The following HAUS6 variants were observed in gnomAD, a reference collection of about 807,000 sequenced individuals.
The protein encoded by HAUS6 is HAUS augmin like complex subunit 6.
In HAUS6, 80 loss-of-function variants were observed where a neutral mutation model predicts 106.8. The ratio of observed to expected loss-of-function variants is 0.75; its 90% CI spans 0.63 to 0.90. The LOEUF is 0.90. Among genes scored for constraint, HAUS6 ranks in the 40% least tolerant of loss-of-function variants. The pLI is 0.00. For synonymous variants in HAUS6, 356 were observed against 379.1 expected, an observed-to-expected ratio of 0.94 and a Z score of 0.71; for missense variants, 1,155 against 1,118.1, an observed-to-expected ratio of 1.03 and a Z score of -0.47.
chr9:19,068,908 A>G (rs1415588646), intron 12 of HAUS6, among the ~76,000 whole-genome samples: 2 of 152,212 alleles, frequency 1.3e-5, no homozygotes, highest in African/African-American at 2.4e-5. Context: ...AAATAGGAAT[A>G]TTACTGGAGG....
At position 19,080,594 on chromosome 9, in the gene HAUS6, C is replaced by T; in HGVS notation, c.949G>A (p.Val317Met). Residue 317 changes from valine to methionine, a missense_variant, in exon 9 of 17, where the codon GTG becomes ATG. Transcript: ENST00000380502. ...VIQLLNEVLK[V>M]MKYERCQADQ... ...GCCTGACAACGTTCATATTTCATCA[C>T]CTTCAAGACTTCATTTAATAACTGA... 6.3e-7 allele frequency: 1 copy of T among 1,594,606 alleles called. No homozygotes were observed. Among genetic ancestry groups the T allele is most frequent in the Non-Finnish European group, 8.6e-7 (1 of 1,162,822 alleles).
intron 1 of HAUS6, among the ~76,000 whole-genome samples, chr9:19,101,458 T>C (rs1390153958): frequency 6.6e-6 from 1 of 151,900 alleles, no homozygotes; most frequent in Non-Finnish European, 1.5e-5. Context: ...ACAACTGCAC[T>C]CCAGACTGGG....
At chr9:19,070,974 G>C (rs1836871310) in intron 11 of HAUS6, among the ~76,000 whole-genome samples, 1 of 152,214 alleles carries the variant, frequency 6.6e-6, no homozygotes, top group South Asian at 2.1e-4. Flanking sequence ...TCCAGTGGAA[G>C]CATGGTGGGA....
chr9:19,071,984 A>G (rs1836890158), intron 11 of HAUS6, among the ~76,000 whole-genome samples: 1 of 152,050 alleles, frequency 6.6e-6, no homozygotes, highest in Non-Finnish European at 1.5e-5. Context: ...TGGGCGGATC[A>G]CCTAAGGTCA....
rs185141484 is a variant in HAUS6, at chr9:19,089,635, G to T, written c.437-76C>A. ...TGGGTTATCAGAAATGAACATTAGT[G>T]TCACTAACGTTGGTGGTATACAATC... On this transcript the variant is annotated intron_variant, in intron 4 of 16. Coordinates refer to ENST00000380502, the MANE Select transcript of HAUS6 (RefSeq NM_017645.5). 4.7e-5 allele frequency: 50 copies of T among 1,065,774 alleles called. No homozygotes were observed. In the East Asian group the frequency reaches 1.2e-3, roughly 26 times the overall value. The allele number at this position is 1,065,774 out of a possible 1,614,324, so 66.0% of individuals were successfully genotyped here.
At chr9:19,090,457 A>C (rs202063338) in intron 4 of HAUS6, among the ~76,000 whole-genome samples, 2 of 151,926 alleles carry the variant, frequency 1.3e-5, no homozygotes, top group East Asian at 1.9e-4. Context: ...CTCCGCCTCC[A>C]GGGTTCACGC....
chr9:19,059,014 G>T lies in HAUS6; in HGVS notation c.1766-13C>A, dbSNP rs536854691. ...CTAATTTCAGTTACTAATTAAAGGG[G>T]AGAAAAACACAGTTTACTAACATTC... On this transcript the variant is annotated splice_polypyrimidine_tract_variant and intron_variant, in intron 15 of 16. Transcript: ENST00000380502. 7.2e-5 allele frequency: 102 copies of T among 1,416,416 alleles called. No homozygotes were observed. In the South Asian group the frequency reaches 1.0e-3, roughly 14 times the overall value. The allele number at this position is 1,416,416 out of a possible 1,614,324, so 87.7% of individuals were successfully genotyped here.
chr9:19,085,834 G>C (rs934875917), intron 7 of HAUS6, among the ~76,000 whole-genome samples: 5 of 152,022 alleles, frequency 3.3e-5, no homozygotes, highest in African/African-American at 4.8e-5. Context: ...CAATCAAGCA[G>C]AGCTTTTTGT....
Position 19,058,619 on chromosome 9 carries a change from A to G in HAUS6, c.2148T>C (p.Pro716=). The G allele has an allele frequency of 1.2e-6, 2 of 1,606,252 alleles. No homozygotes were observed. The highest frequency in any genetic ancestry group is 1.7e-6 in the Non-Finnish European group (2 of 1,173,542). The change falls in exon 16 of 17, where the codon CCT becomes CCC. Residue 716 remains proline, a synonymous_variant. Transcript: ENST00000380502. ...TCACATCTATCCTATTGCCGACAGC[A>G]GGGGAGAATGTCTCCATTCGGCTAG... The part of the protein sequence containing the change: ...SETSRMETFS[P]AVGNRIDVMG...
At chr9:19,080,122 CA>C (rs955166194) in intron 9 of HAUS6, among the ~76,000 whole-genome samples, 33 of 121,736 alleles carry the variant, frequency 2.7e-4, no homozygotes, top group Non-Finnish European at 4.3e-4. Context: ...TGTGGTGAGC[CA>C]AGATCGCGCC....
intron 4 of HAUS6, among the ~76,000 whole-genome samples, chr9:19,091,248 C>T (rs1446615477): frequency 6.6e-6 from 1 of 151,522 alleles, no homozygotes; most frequent in African/African-American, 2.4e-5. Flanking sequence ...TGCAGTAAGC[C>T]GAGATCGCGC....
intron 8 of HAUS6, among the ~76,000 whole-genome samples, chr9:19,081,496 G>C (rs1588615873): frequency 1.3e-5 from 2 of 151,882 alleles, no homozygotes; most frequent in South Asian, 4.2e-4. Flanking sequence ...GCTGGGTGCA[G>C]TGGCTCAATC....
chr9:19,083,074 C>T lies in HAUS6; in HGVS notation c.700-31G>A, dbSNP rs372737702. On this transcript the variant is annotated intron_variant, in intron 7 of 16. Transcript: ENST00000380502. ...GAAACAGAAACAAAATATTAAAGTC[C>T]ACACATAATCTGTACATATTTTAAA... 2.2e-6 allele frequency: 3 copies of T among 1,392,214 alleles called. No individual in the cohort carries two copies. In the African/African-American group the frequency reaches 4.4e-5, roughly 20 times the overall value. 86.2% of individuals were successfully genotyped at this position (1,392,214 alleles called of 1,614,324 possible). A position where few individuals can be genotyped will look rare whatever the true frequency, so the allele number is the denominator to read the frequency against.
intron 14 of HAUS6, among the ~76,000 whole-genome samples, chr9:19,062,029 T>TA (rs1836634251): frequency 6.6e-6 from 1 of 152,194 alleles, no homozygotes; most frequent in African/African-American, 2.4e-5. Context: ...CAAGCAATGC[T>TA]AAAGCATGTT....
chr9:19,090,462 T>A (rs1817721178), intron 4 of HAUS6, among the ~76,000 whole-genome samples: 1 of 152,066 alleles, frequency 6.6e-6, no homozygotes, highest in South Asian at 2.1e-4. Flanking sequence ...CCTCCAGGGT[T>A]CACGCCATTC....
chr9:19,057,569 C>A, intron 16 of HAUS6: 1 of 196,702 alleles, frequency 5.1e-6, no homozygotes, highest in Non-Finnish European at 1.0e-5. Context: ...ACTGACCTGG[C>A]TTCTTTTATT....
intron 3 of HAUS6, among the ~76,000 whole-genome samples, chr9:19,093,569 A>AT (rs1817800173): frequency 6.6e-6 from 1 of 152,228 alleles, no homozygotes; most frequent in African/African-American, 2.4e-5. Flanking sequence ...TTTTTGAAGC[A>AT]TAAAAGAATT....
chr9:19,069,111 T>C (rs1836830289), intron 12 of HAUS6, among the ~76,000 whole-genome samples: 1 of 152,210 alleles, frequency 6.6e-6, no homozygotes, highest in African/African-American at 2.4e-5. Flanking sequence ...CCACGGGTTA[T>C]GTTAGATACA....
intron 12 of HAUS6, chr9:19,063,827 T>A (rs772637782): frequency 1.5e-6 from 1 of 671,564 alleles, no homozygotes. Flanking sequence ...GTCAACAATA[T>A]TTTGATTTGA....
Sources: gnomAD v4.1 joint callset for allele counts (sites outside exome capture counted in the v4.1 genomes callset) on GRCh38, gnomAD v4.1.1 for gene constraint, MANE v1.5 for transcripts, NCBI Gene and HGNC (gene_info 2026-07-23, HGNC 2026-07-21) for gene names.